Variants in ABTB3 observed in about 807,000 individuals in gnomAD.
ABTB3 encodes ankyrin repeat- and BTB/POZ domain-containing protein 3.
At chr12:107,519,783 T>C in the ABTB3 span, among the ~76,000 whole-genome samples, 1 of 152,340 alleles carries the variant, frequency 6.6e-6, no homozygotes, top group Admixed American at 6.5e-5. Flanking sequence ...GCACTCAACT[T>C]AGGGAGGTTG....
At chr12:107,331,619 G>T in the ABTB3 span, among the ~76,000 whole-genome samples, 25 of 152,296 alleles carry the variant, frequency 1.6e-4, no homozygotes, top group Admixed American at 8.5e-4. Flanking sequence ...CAGGGATGGG[G>T]TGGGTAAGAG....
At chr12:107,465,815 T>C in the ABTB3 span, among the ~76,000 whole-genome samples, 4 of 152,078 alleles carry the variant, frequency 2.6e-5, no homozygotes, top group Non-Finnish European at 5.9e-5. Context: ...AAAACACACA[T>C]CCACACACAC....
chr12:107,481,982 G>A, the ABTB3 span, among the ~76,000 whole-genome samples: 2 of 148,156 alleles, frequency 1.3e-5, no homozygotes, highest in South Asian at 2.2e-4. Context: ...TCTGAGTTAG[G>A]GAATATGTCC....
the ABTB3 span, among the ~76,000 whole-genome samples, chr12:107,532,412 C>T: frequency 0.013 from 1,953 of 152,192 alleles, 41 homozygotes; most frequent in African/African-American, 0.043. Flanking sequence ...TAGTGAGGAA[C>T]ATGCAGACAC....
At chr12:107,341,599 C>A in the ABTB3 span, among the ~76,000 whole-genome samples, 2 of 152,128 alleles carry the variant, frequency 1.3e-5, no homozygotes, top group African/African-American at 4.8e-5. Context: ...CATTAAAAAG[C>A]AGAATTGTTT....
At chr12:107,352,776 C>G in the ABTB3 span, among the ~76,000 whole-genome samples, 1 of 151,928 alleles carries the variant, frequency 6.6e-6, no homozygotes, top group Non-Finnish European at 1.5e-5. Context: ...AGAGTCAGGG[C>G]TGTGGGCAGA....
the ABTB3 span, among the ~76,000 whole-genome samples, chr12:107,525,526 C>T: frequency 2.0e-5 from 3 of 152,110 alleles, no homozygotes. Context: ...ATAGGCTACA[C>T]CCTACAGCCT....
At chr12:107,482,952 CTTT>C in the ABTB3 span, among the ~76,000 whole-genome samples, 2 of 44,540 alleles carry the variant, frequency 4.5e-5, no homozygotes, top group African/African-American at 1.8e-4. Context: ...TTCTTTCTTT[CTTT>C]CTTTCTTTCT....
At chr12:107,643,401 TCAAA>T in the ABTB3 span, among the ~76,000 whole-genome samples, 4 of 67,656 alleles carry the variant, frequency 5.9e-5, no homozygotes, top group Non-Finnish European at 1.1e-4. Flanking sequence ...AGACCCTATC[TCAAA>T]AAAAAAAAAA....
chr12:107,565,180 G>A, the ABTB3 span, among the ~76,000 whole-genome samples: 166 of 152,346 alleles, frequency 1.1e-3, no homozygotes, highest in African/African-American at 3.8e-3. Flanking sequence ...TGTGCACTGA[G>A]CACGTATGCA....
the ABTB3 span, among the ~76,000 whole-genome samples, chr12:107,480,168 G>A: frequency 6.6e-6 from 1 of 152,116 alleles, no homozygotes. Flanking sequence ...AAGATATAGA[G>A]GCTAAAAACC....
the ABTB3 span, among the ~76,000 whole-genome samples, chr12:107,576,761 C>T: frequency 2.0e-5 from 3 of 152,148 alleles, no homozygotes; most frequent in Non-Finnish European, 2.9e-5. Flanking sequence ...ATACCTACTC[C>T]GCACTCTTTA....
At chr12:107,613,224 G>A in the ABTB3 span, among the ~76,000 whole-genome samples, 7 of 152,196 alleles carry the variant, frequency 4.6e-5, no homozygotes, top group East Asian at 1.9e-4. Context: ...GGCAGAAGGA[G>A]CACTCCTGAG....
At chr12:107,624,104 T>G in the ABTB3 span, among the ~76,000 whole-genome samples, 1 of 151,944 alleles carries the variant, frequency 6.6e-6, no homozygotes, top group Non-Finnish European at 1.5e-5. Flanking sequence ...TAGATTGCAC[T>G]GGGCCAGGGA....
chr12:107,369,419 A>G, the ABTB3 span, among the ~76,000 whole-genome samples: 4 of 137,734 alleles, frequency 2.9e-5, no homozygotes, highest in Non-Finnish European at 6.1e-5. Flanking sequence ...TCTTTTTGAG[A>G]TGGAGTCTCG....
the ABTB3 span, among the ~76,000 whole-genome samples, chr12:107,322,059 C>A: frequency 6.6e-6 from 1 of 152,196 alleles, no homozygotes; most frequent in Non-Finnish European, 1.5e-5. Context: ...ATGTAATACA[C>A]CCCCAGGTCC....
At chr12:107,397,116 C>CA in the ABTB3 span, among the ~76,000 whole-genome samples, 1 of 152,224 alleles carries the variant, frequency 6.6e-6, no homozygotes. Context: ...CTTGGAACCC[C>CA]AGTGGGAGGT....
chr12:107,418,448 G>A, the ABTB3 span, among the ~76,000 whole-genome samples: 1 of 152,142 alleles, frequency 6.6e-6, no homozygotes, highest in Non-Finnish European at 1.5e-5. Flanking sequence ...AGAGAACCTT[G>A]ACTAATACAA....
the ABTB3 span, among the ~76,000 whole-genome samples, chr12:107,471,809 A>G: frequency 1.1e-4 from 17 of 152,126 alleles, no homozygotes; most frequent in Admixed American, 3.9e-4. Flanking sequence ...CCCCGTGCCT[A>G]GAGTTCAGAC....
Sources: gnomAD v4.1 joint callset for allele counts (sites outside exome capture counted in the v4.1 genomes callset) on GRCh38, gnomAD v4.1.1 for gene constraint, MANE v1.5 for transcripts, NCBI Gene and HGNC (gene_info 2026-07-23, HGNC 2026-07-21) for gene names.